IL17RD: variants seen among roughly 807,000 people sequenced by gnomAD.
The protein encoded by IL17RD is interleukin 17 receptor D.
In IL17RD, 52 loss-of-function variants were observed where a neutral mutation model predicts 80.5. That is an observed-to-expected ratio of 0.65 (90% CI 0.52 to 0.81). IL17RD has a LOEUF of 0.81. Ranked by LOEUF, IL17RD falls within the 40% of genes least tolerant of loss-of-function variation. IL17RD has a pLI of 0.00. For missense variants in IL17RD, 1,024 were observed against 955.1 expected, an observed-to-expected ratio of 1.07 and a Z score of -0.95; for synonymous variants, 416 against 391.8, an observed-to-expected ratio of 1.06 and a Z score of -0.73.
chr3:57,108,057 CCT>C (rs1707003318), intron 5 of IL17RD, among the ~76,000 whole-genome samples: 1 of 151,844 alleles, frequency 6.6e-6, no homozygotes, highest in Non-Finnish European at 1.5e-5. Context: ...ACTTTTTATT[CCT>C]TTTTTTTTTT....
intron 1 of IL17RD, among the ~76,000 whole-genome samples, chr3:57,125,251 A>T (rs1462390767): frequency 2.0e-5 from 3 of 152,142 alleles, no homozygotes; most frequent in South Asian, 2.1e-4. Flanking sequence ...TACTAAAAAT[A>T]CGAAAATTAG....
intron 1 of IL17RD, among the ~76,000 whole-genome samples, chr3:57,121,073 C>G (rs1429511611): frequency 6.6e-6 from 1 of 152,196 alleles, no homozygotes; most frequent in Admixed American, 6.5e-5. Flanking sequence ...AGAGCAGCTA[C>G]AGATCTACCA....
At chr3:57,158,367 A>G (rs1173686857) in intron 1 of IL17RD, among the ~76,000 whole-genome samples, 1 of 152,244 alleles carries the variant, frequency 6.6e-6, no homozygotes, top group Non-Finnish European at 1.5e-5. Context: ...ACATTTTAGC[A>G]TTAGTTTTAC....
intron 1 of IL17RD, among the ~76,000 whole-genome samples, chr3:57,158,573 T>C (rs1049662123): frequency 2.0e-5 from 3 of 152,196 alleles, no homozygotes; most frequent in African/African-American, 7.2e-5. Context: ...TTAAATGTTG[T>C]AGCCTTAATT....
intron 7 of IL17RD, among the ~76,000 whole-genome samples, 158 bp from the exon 8 acceptor site, chr3:57,104,565 CAT>C (rs1359059707): frequency 6.6e-6 from 1 of 152,172 alleles, no homozygotes; most frequent in Non-Finnish European, 1.5e-5. Context: ...TTATCTGCCA[CAT>C]GTTATCTGAA....
intron 1 of IL17RD, among the ~76,000 whole-genome samples, chr3:57,149,268 C>A (rs1708001595): frequency 6.6e-6 from 1 of 151,062 alleles, no homozygotes; most frequent in Non-Finnish European, 1.5e-5. Flanking sequence ...TACATTCCAG[C>A]CTGGGTGACA....
In IL17RD at chr3:57,127,395, A is replaced by AATATAT. The variant is rs369292371; in HGVS notation, c.127-7088_127-7083dup. ...ATATATATAAATAAATAAATAAATAAATATATATATATATATATTTTTTTT... is the reference window on the plus strand; with the variant it reads ...ATATATATAAATAAATAAATAAATAAATATATATATATATATATATATATTTTTTTT... On this transcript the variant is annotated intron_variant, in intron 1 of 12. Coordinates refer to ENST00000296318, the MANE Select transcript of IL17RD (RefSeq NM_017563.5). 3.5e-4 allele frequency among the ~76,000 whole-genome samples: 30 copies of AATATAT among 86,640 alleles called. 4 individuals are homozygous for AATATAT. Among genetic ancestry groups the AATATAT allele is most frequent in the African/African-American group, 1.5e-3 (26 of 17,790 alleles). 56.8% of individuals were successfully genotyped at this position (86,640 alleles called of 152,430 possible).
chr3:57,166,205 A>G (rs1023487858), upstream of IL17RD, among the ~76,000 whole-genome samples: 1 of 152,144 alleles, frequency 6.6e-6, no homozygotes, highest in African/African-American at 2.4e-5. Context: ...CTGAGCACCT[A>G]AACTCTCCCA....
chr3:57,149,080 G>A (rs1277533843), intron 1 of IL17RD, among the ~76,000 whole-genome samples: 1 of 152,202 alleles, frequency 6.6e-6, no homozygotes, highest in Non-Finnish European at 1.5e-5. Context: ...GGGAGGCCAA[G>A]GCGGGCCGAT....
chr3:57,100,413 T>TCTTG (rs1706801107), intron 11 of IL17RD, among the ~76,000 whole-genome samples: 2 of 152,262 alleles, frequency 1.3e-5, no homozygotes, highest in African/African-American at 4.8e-5. Flanking sequence ...ACAGGGTATG[T>TCTTG]CTTGCATGAG....
chr3:57,104,482 A>C, intron 7 of IL17RD, 75 bp from the exon 8 acceptor site: 1 of 943,686 alleles, frequency 1.1e-6, no homozygotes, highest in Non-Finnish European at 1.7e-6. Context: ...TCTCCCCCAG[A>C]GCTGAAGGAG....
intron 1 of IL17RD, among the ~76,000 whole-genome samples, chr3:57,163,251 G>A (rs556555686): frequency 6.6e-6 from 1 of 152,286 alleles, no homozygotes; most frequent in Admixed American, 6.5e-5. Flanking sequence ...GGAAACGATT[G>A]GTGGGGCCAA....
intron 1 of IL17RD, among the ~76,000 whole-genome samples, chr3:57,121,567 C>T (rs1420566753): frequency 1.3e-5 from 2 of 152,200 alleles, no homozygotes; most frequent in Non-Finnish European, 2.9e-5. Context: ...TGAAGCTCCC[C>T]TTCTTCATAG....
At chr3:57,161,534 G>C (rs1362336031) in intron 1 of IL17RD, among the ~76,000 whole-genome samples, 1 of 152,206 alleles carries the variant, frequency 6.6e-6, no homozygotes, top group African/African-American at 2.4e-5. Context: ...AAGGAGTAGT[G>C]TTTTCTTGCA....
At chr3:57,116,343 G>T (rs530476725) in intron 2 of IL17RD, among the ~76,000 whole-genome samples, 1 of 149,228 alleles carries the variant, frequency 6.7e-6, no homozygotes, top group South Asian at 2.1e-4. Flanking sequence ...GAGTGCAATG[G>T]CGCAATCTCG....
At position 57,095,224 on chromosome 3, in the gene IL17RD, C is replaced by T. The variant is rs1170483624; in HGVS notation, c.*1169G>A. On this transcript the variant is annotated 3_prime_UTR_variant, in exon 13 of 13. Coordinates refer to ENST00000296318, the MANE Select transcript of IL17RD (RefSeq NM_017563.5). ...CTCTAAGGCACAGGGAGAAGGGTTT[C>T]CACAGGGGAGACCAAGACAGCATTC... 1 of 152,200 alleles carries T rather than the reference C, an allele frequency of 6.6e-6. No individual in the cohort carries two copies. The highest frequency in any genetic ancestry group is 1.5e-5 in the Non-Finnish European group (1 of 68,046). 9.4% of individuals were successfully genotyped at this position (152,200 alleles called of 1,614,324 possible).
chr3:57,156,242 T>C (rs1354710907), intron 1 of IL17RD, among the ~76,000 whole-genome samples: 1 of 152,060 alleles, frequency 6.6e-6, no homozygotes, highest in Non-Finnish European at 1.5e-5. Context: ...GGAAAGAGCA[T>C]GGTCAGGTCT....
At chr3:57,120,384 T>C in intron 1 of IL17RD, 71 bp from the exon 2 acceptor site, 1 of 1,101,408 alleles carries the variant, frequency 9.1e-7, no homozygotes, top group East Asian at 2.4e-5. Flanking sequence ...CCCCATGGAG[T>C]CCAAATGCAA....
chr3:57,118,387 G>A (rs79416924), intron 2 of IL17RD, among the ~76,000 whole-genome samples: 2 of 152,146 alleles, frequency 1.3e-5, no homozygotes, highest in Non-Finnish European at 2.9e-5. Flanking sequence ...GATTGTAACC[G>A]CAACTTTTAC....
Sources: gnomAD v4.1 joint callset for allele counts (sites outside exome capture counted in the v4.1 genomes callset) on GRCh38, gnomAD v4.1.1 for gene constraint, MANE v1.5 for transcripts, NCBI Gene and HGNC (gene_info 2026-07-23, HGNC 2026-07-21) for gene names.